Variants in ECT2 observed in about 807,000 individuals in gnomAD.
ECT2 encodes epithelial cell transforming 2, also known as protein ECT2.
Under a neutral mutation model 116.9 loss-of-function variants are expected in ECT2, and 61 were observed. That is an observed-to-expected ratio of 0.52 (90% CI 0.42 to 0.65). ECT2 has a LOEUF of 0.65. Among genes scored for constraint, ECT2 ranks in the 30% least tolerant of loss-of-function variants. The probability of loss-of-function intolerance (pLI) is 0.00; values close to 1 mark genes in which losing one functional copy is unlikely to be tolerated. For missense variants in ECT2, 937 were observed against 1,078.7 expected, an observed-to-expected ratio of 0.87 and a Z score of 1.84; for synonymous variants, 358 against 346.4, an observed-to-expected ratio of 1.03 and a Z score of -0.37.
At chr3:172,778,086 C>T (rs78893247) in intron 14 of ECT2, among the ~76,000 whole-genome samples, 2,714 of 152,242 alleles carry the variant, frequency 0.018, 41 homozygotes, top group Admixed American at 0.042. Flanking sequence ...ATTAATTCTG[C>T]GCTGTTTCTA....
rs1718760414 is a variant in ECT2, at chr3:172,763,599, G to T, written c.1068+627G>T. 2.0e-5 allele frequency among the ~76,000 whole-genome samples: 3 copies of T among 152,140 alleles called. No homozygotes were observed. In the South Asian group the frequency reaches 6.2e-4, roughly 32 times the overall value. On this transcript the variant is annotated intron_variant, in intron 11 of 24. Coordinates refer to ENST00000392692, the MANE Select transcript of ECT2 (RefSeq NM_001258315.2). ...TGGGAGCCATTGAAGAAGAGTAAGGGGAGAGACGTCATTAAAAAGATGAGT... is the reference window on the plus strand; with the variant it reads ...TGGGAGCCATTGAAGAAGAGTAAGGTGAGAGACGTCATTAAAAAGATGAGT...
At chr3:172,764,148 T>A (rs1718869081) in intron 11 of ECT2, 130 bp from the exon 12 acceptor site, 1 of 750,690 alleles carries the variant, frequency 1.3e-6, no homozygotes, top group Admixed American at 2.8e-5. Flanking sequence ...AATTGCCTGG[T>A]AGAGTGTAGG....
chr3:172,821,668 T>C (rs992018500), downstream of ECT2, among the ~76,000 whole-genome samples: 3 of 151,898 alleles, frequency 2.0e-5, no homozygotes, highest in Admixed American at 2.0e-4. Context: ...CTTTGAGAAA[T>C]GTAGATAGTG....
chr3:172,776,631 G>T (rs761148401), intron 14 of ECT2, among the ~76,000 whole-genome samples: 9 of 152,104 alleles, frequency 5.9e-5, no homozygotes, highest in Non-Finnish European at 1.0e-4. Context: ...CTGGATCCAA[G>T]ACTTGAACCT....
intron 18 of ECT2, among the ~76,000 whole-genome samples, chr3:172,788,396 A>G (rs1723996505): frequency 1.3e-5 from 2 of 152,204 alleles, no homozygotes; most frequent in African/African-American, 4.8e-5. Context: ...ACACATATTT[A>G]AAATATAGTT....
At chr3:172,796,228 G>T (rs1166404685) in intron 18 of ECT2, among the ~76,000 whole-genome samples, 4 of 152,210 alleles carry the variant, frequency 2.6e-5, no homozygotes, top group African/African-American at 4.8e-5. Context: ...GAGGGTTTAT[G>T]AAGGCTGGGC....
intron 18 of ECT2, among the ~76,000 whole-genome samples, chr3:172,793,635 A>G (rs1576976793): frequency 6.7e-6 from 1 of 150,016 alleles, no homozygotes; most frequent in Admixed American, 6.6e-5. Context: ...AGCTAATTTT[A>G]GTATTTTTAG....
At chr3:172,781,646 T>TAACA (rs1399510451) in intron 14 of ECT2, among the ~76,000 whole-genome samples, 4 of 152,196 alleles carry the variant, frequency 2.6e-5, no homozygotes, top group Non-Finnish European at 1.5e-5. Context: ...CATGAAGAAT[T>TAACA]AACAAACTAT....
At chr3:172,774,418 C>G (rs890413164) in intron 14 of ECT2, among the ~76,000 whole-genome samples, 15 of 151,982 alleles carry the variant, frequency 9.9e-5, no homozygotes, top group African/African-American at 3.6e-4. Context: ...AGGCTGGTTT[C>G]GAACTCCTGA....
intron 21 of ECT2, among the ~76,000 whole-genome samples, chr3:172,806,843 A>G (rs1023406012): frequency 6.6e-6 from 1 of 151,746 alleles, no homozygotes; most frequent in African/African-American, 2.4e-5. Context: ...GGGTTTCACC[A>G]TGTTGGCCGG....
At chr3:172,780,459 C>G (rs1392714006) in intron 14 of ECT2, among the ~76,000 whole-genome samples, 1 of 152,002 alleles carries the variant, frequency 6.6e-6, no homozygotes, top group East Asian at 1.9e-4. Context: ...TGAGTAGATA[C>G]CTAGGAGTAG....
chr3:172,786,501 A>G lies in ECT2; in HGVS notation c.1834A>G (p.Lys612Glu). 6.2e-7 allele frequency: 1 copy of G among 1,605,586 alleles called. No individual in the cohort carries two copies. Among genetic ancestry groups the G allele is most frequent in the South Asian group, 1.1e-5 (1 of 90,174 alleles). Residue 612 changes from lysine (K) to glutamate (E), a missense_variant, in exon 18 of 25, where the codon AAG becomes GAG. By Grantham distance (56) the Lys-to-Glu change is moderately conservative. Coordinates refer to ENST00000392692, the MANE Select transcript of ECT2 (RefSeq NM_001258315.2). Reference protein sequence around the residue: ...SVALLLNDLKKHTADENPDKS... With the variant: ...SVALLLNDLKEHTADENPDKS... ...ACATTGTATTATTACAGATCTTAAG[A>G]AGCATACAGCTGATGAAAATCCAGA...
intron 14 of ECT2, among the ~76,000 whole-genome samples, chr3:172,780,699 C>G (rs370760061): frequency 1.3e-5 from 2 of 152,264 alleles, no homozygotes; most frequent in African/African-American, 4.8e-5. Flanking sequence ...TCCAATTTCT[C>G]CACATTCTTT....
chr3:172,815,568 G>A, intron 22 of ECT2, 36 bp from the exon 23 acceptor site: 3 of 1,330,210 alleles, frequency 2.3e-6, no homozygotes, highest in Non-Finnish European at 3.2e-6. Flanking sequence ...ACAGTTGTGT[G>A]TTTTTAAGAT....
At position 172,816,732 on chromosome 3, in the gene ECT2, T is replaced by C. The variant is rs1249966955; in HGVS notation, c.2550T>C (p.Ala850=). The C allele has an allele frequency of 1.1e-5, 17 of 1,607,254 alleles. No individual in the cohort carries two copies. Among genetic ancestry groups the C allele is most frequent in the Non-Finnish European group, 1.4e-5 (16 of 1,175,478 alleles). ...AFSFSKTPKR[A]LRRALMTSHG... ...CTTTCTCCAAAACTCCAAAAAGAGC[T>C]CTTCGAAGGGCTCTTATGACATCCC... is the stretch of plus-strand genomic sequence containing the variant. Residue 850 remains alanine, a synonymous_variant, in exon 24 of 25, where the codon GCT becomes GCC. Coordinates refer to ENST00000392692, the MANE Select transcript of ECT2 (RefSeq NM_001258315.2).
chr3:172,752,495 T>TC (rs1486030831), intron 1 of ECT2: 1 of 152,138 alleles, frequency 6.6e-6, no homozygotes, highest in Non-Finnish European at 1.5e-5. Context: ...CCTGACTTTT[T>TC]TTTTTTTTTA....
chr3:172,760,640 G>A (rs1468089238), intron 7 of ECT2, among the ~76,000 whole-genome samples: 1 of 151,016 alleles, frequency 6.6e-6, no homozygotes, highest in Non-Finnish European at 1.5e-5. Flanking sequence ...AGATGACTAG[G>A]ATCGTGGGGG....
chr3:172,797,250 G>T (rs1725865121), intron 18 of ECT2, among the ~76,000 whole-genome samples: 1 of 151,422 alleles, frequency 6.6e-6, no homozygotes, highest in Non-Finnish European at 1.5e-5. Flanking sequence ...GCCCAAGCTG[G>T]TCTCAAACTC....
chr3:172,783,720 A>G (rs2108690372), intron 15 of ECT2, 79 bp from the exon 16 acceptor site: 2 of 914,042 alleles, frequency 2.2e-6, no homozygotes. Context: ...GTGACTACTA[A>G]TTATTTGACT....
Sources: gnomAD v4.1 joint callset for allele counts (sites outside exome capture counted in the v4.1 genomes callset) on GRCh38, gnomAD v4.1.1 for gene constraint, MANE v1.5 for transcripts, NCBI Gene and HGNC (gene_info 2026-07-23, HGNC 2026-07-21) for gene names.